The following ROBO1 variants were observed in gnomAD, a reference collection of about 807,000 sequenced individuals.
The protein encoded by ROBO1 is roundabout homolog 1.
ROBO1 carries 149 observed loss-of-function variants against 195.9 expected under a neutral mutation model. The observed-to-expected ratio is 0.76, with a 90% CI of 0.67 to 0.87. The LOEUF is 0.87. Among genes scored for constraint, ROBO1 ranks in the 40% least tolerant of loss-of-function variants. The probability of loss-of-function intolerance (pLI) is 0.00; values close to 1 mark genes in which losing one functional copy is unlikely to be tolerated. For missense variants in ROBO1, 1,933 were observed against 2,068.3 expected (o/e 0.93, Z 1.27); for synonymous variants, 816 against 733.2 (o/e 1.11, Z -1.82).
intron 2 of ROBO1, among the ~76,000 whole-genome samples, chr3:79,464,932 G>A (rs939873546): frequency 2.0e-5 from 3 of 152,110 alleles, no homozygotes; most frequent in Non-Finnish European, 4.4e-5. Context: ...TCTTTGGGCA[G>A]CCATAGACTC....
At chr3:78,605,661 G>C (rs573220733) in intron 29 of ROBO1, among the ~76,000 whole-genome samples, 2 of 152,078 alleles carry the variant, frequency 1.3e-5, no homozygotes, top group East Asian at 3.9e-4. Flanking sequence ...CTAAATTTTC[G>C]TTGGATTTTT....
intron 2 of ROBO1, among the ~76,000 whole-genome samples, chr3:79,317,558 G>A (rs1020313786): frequency 1.3e-5 from 2 of 151,892 alleles, no homozygotes; most frequent in African/African-American, 4.8e-5. Flanking sequence ...TGGCATGTAC[G>A]GCCAAATCTA....
At chr3:78,665,418 AT>A (rs1333939897) in intron 14 of ROBO1, among the ~76,000 whole-genome samples, 1 of 152,130 alleles carries the variant, frequency 6.6e-6, no homozygotes, top group Non-Finnish European at 1.5e-5. Flanking sequence ...TTTACAGCTA[AT>A]TTTTTAAACC....
intron 4 of ROBO1, among the ~76,000 whole-genome samples, chr3:78,752,807 T>G (rs748934311): frequency 6.6e-6 from 1 of 152,174 alleles, no homozygotes; most frequent in Non-Finnish European, 1.5e-5. Flanking sequence ...TGTATAAAGT[T>G]TCCTAAAGGT....
chr3:78,758,993 A>G (rs1226460637), intron 4 of ROBO1: 1 of 152,218 alleles, frequency 6.6e-6, no homozygotes, highest in East Asian at 1.9e-4. Context: ...CTAGGAAGGC[A>G]TTGCTGCGAG....
chr3:79,088,637 C>T (rs1024090098), intron 3 of ROBO1, among the ~76,000 whole-genome samples: 1 of 152,080 alleles, frequency 6.6e-6, no homozygotes, highest in African/African-American at 2.4e-5. Flanking sequence ...CTTTCACCAA[C>T]AGGGGAACAC....
intron 4 of ROBO1, among the ~76,000 whole-genome samples, chr3:78,877,882 G>T (rs769572518): frequency 6.6e-5 from 10 of 152,140 alleles, no homozygotes; most frequent in South Asian, 4.1e-4. Context: ...TGAATTTTGT[G>T]CCACATTGAA....
intron 2 of ROBO1, among the ~76,000 whole-genome samples, chr3:79,461,461 C>G (rs1038050379): frequency 1.3e-5 from 2 of 152,116 alleles, no homozygotes; most frequent in Admixed American, 6.5e-5. Context: ...CACAGCTGAG[C>G]ACACCCTTCT....
Position 78,883,274 on chromosome 3 carries a change from G to T in ROBO1, c.499+55327C>A, listed in dbSNP as rs183119077. 2.6e-5 allele frequency among the ~76,000 whole-genome samples: 4 copies of T among 151,792 alleles called. No homozygotes were observed. The East Asian group carries it at 5.8e-4, about 22-fold the overall frequency. ...AAAAAAAAGTTATGTAGGTGGCACA[G>T]AATTTAGTATACTTGTAAAATGTAC... On this transcript the variant is annotated intron_variant, in intron 4 of 30. Transcript: ENST00000464233.
chr3:79,432,039 T>C (rs1012804029), intron 2 of ROBO1, among the ~76,000 whole-genome samples: 3 of 152,096 alleles, frequency 2.0e-5, no homozygotes, highest in Admixed American at 6.6e-5. Flanking sequence ...CCACCGAAGT[T>C]TGATGCATTT....
intron 2 of ROBO1, among the ~76,000 whole-genome samples, chr3:79,166,062 C>T (rs1057034003): frequency 4.6e-5 from 7 of 152,152 alleles, no homozygotes; most frequent in East Asian, 1.9e-4. Context: ...TGCCTAGCCA[C>T]CCCCAACAAT....
chr3:78,862,533 GC>G, intron 4 of ROBO1, among the ~76,000 whole-genome samples: 1 of 152,246 alleles, frequency 6.6e-6, no homozygotes, highest in Non-Finnish European at 1.5e-5. Flanking sequence ...GTTTCAAACT[GC>G]TAAATTTGTG....
chr3:78,668,620 G>C, intron 11 of ROBO1, 55 bp from the exon 12 acceptor site: 1 of 1,543,088 alleles, frequency 6.5e-7, no homozygotes, highest in Non-Finnish European at 8.9e-7. Context: ...TCACTGGGCT[G>C]GAAAAGCAAT....
At chr3:78,735,077 G>A (rs1320692859) in intron 5 of ROBO1, among the ~76,000 whole-genome samples, 6 of 152,092 alleles carry the variant, frequency 3.9e-5, no homozygotes, top group African/African-American at 1.2e-4. Flanking sequence ...GATCAAAACA[G>A]GATATACTAC....
chr3:78,824,392 AT>A (rs2031374930), intron 4 of ROBO1, among the ~76,000 whole-genome samples: 1 of 152,232 alleles, frequency 6.6e-6, no homozygotes, highest in Non-Finnish European at 1.5e-5. Flanking sequence ...ATAAATAATC[AT>A]TAAACAATCT....
At chr3:78,964,811 T>G (rs1490300466) in intron 3 of ROBO1, among the ~76,000 whole-genome samples, 2 of 149,848 alleles carry the variant, frequency 1.3e-5, no homozygotes, top group Non-Finnish European at 3.0e-5. Flanking sequence ...GTTTTTTTTT[T>G]GTTTTTTTTT....
At chr3:78,641,834 T>C (rs1705977368) in intron 21 of ROBO1, among the ~76,000 whole-genome samples, 1 of 152,230 alleles carries the variant, frequency 6.6e-6, no homozygotes, top group African/African-American at 2.4e-5. Flanking sequence ...CATCATAGGC[T>C]GAGAGACCTT....
At chr3:79,088,395 G>A (rs1194847722) in intron 3 of ROBO1, among the ~76,000 whole-genome samples, 19 of 152,092 alleles carry the variant, frequency 1.2e-4, no homozygotes, top group Non-Finnish European at 1.6e-4. Context: ...GTTTTATTTA[G>A]TAAGCCATGT....
chr3:78,829,075 G>A (rs1474834899), intron 4 of ROBO1, among the ~76,000 whole-genome samples: 2 of 152,148 alleles, frequency 1.3e-5, no homozygotes, highest in Non-Finnish European at 2.9e-5. Context: ...GGTAAGGAAA[G>A]ACACTAAGAA....
Sources: allele counts gnomAD v4.1 joint callset (sites outside exome capture counted in the v4.1 genomes callset), GRCh38; gene constraint gnomAD v4.1.1; transcripts MANE v1.5; gene names NCBI Gene and HGNC (gene_info 2026-07-23, HGNC 2026-07-21).